RGS8: variants seen among roughly 807,000 people sequenced by gnomAD.
The protein encoded by RGS8 is regulator of G protein signaling 8.
Under a neutral mutation model 21.7 loss-of-function variants are expected in RGS8, and 8 were observed. The ratio of observed to expected loss-of-function variants is 0.37; its 90% CI spans 0.22 to 0.66. The LOEUF is 0.66. RGS8 is among the 30% of genes least tolerant of loss of function. The pLI, the probability that RGS8 is intolerant of heterozygous loss-of-function variation, is 0.59. For synonymous variants in RGS8, 80 were observed against 83.6 expected (o/e 0.96, Z 0.24); for missense variants, 157 against 217.9 (o/e 0.72, Z 1.76).
the RGS8 span, among the ~76,000 whole-genome samples, chr1:182,704,013 A>G: frequency 0.013 from 2,002 of 152,350 alleles, 36 homozygotes; most frequent in African/African-American, 0.043. Flanking sequence ...TTAGAGAGGC[A>G]ATATATAAAG....
At chr1:182,700,961 C>T in the RGS8 span, among the ~76,000 whole-genome samples, 11 of 152,176 alleles carry the variant, frequency 7.2e-5, no homozygotes, top group African/African-American at 2.7e-4. Context: ...TTCTAAGCTT[C>T]CCCATTGTAA....
At chr1:182,739,671 T>C in the RGS8 span, among the ~76,000 whole-genome samples, 19 of 152,164 alleles carry the variant, frequency 1.2e-4, no homozygotes, top group African/African-American at 4.6e-4. Context: ...CCCTGATTTG[T>C]GTATGTAGAC....
chr1:182,664,829 A>G (rs553071033), intron 5 of RGS8, among the ~76,000 whole-genome samples: 1 of 152,334 alleles, frequency 6.6e-6, no homozygotes, highest in Non-Finnish European at 1.5e-5. Flanking sequence ...TTTGCATTTC[A>G]TTCTAAAATC....
chr1:182,703,546 C>T, the RGS8 span, among the ~76,000 whole-genome samples: 27 of 152,296 alleles, frequency 1.8e-4, no homozygotes, highest in African/African-American at 6.0e-4. Context: ...TTATTTTGTC[C>T]TAATCCATGC....
chr1:182,701,187 G>C, the RGS8 span, among the ~76,000 whole-genome samples: 3 of 152,200 alleles, frequency 2.0e-5, no homozygotes, highest in Middle Eastern at 3.2e-3. Context: ...ATGGACAACA[G>C]GCAACCATTG....
chr1:182,693,776 G>T, the RGS8 span, among the ~76,000 whole-genome samples: 1 of 152,182 alleles, frequency 6.6e-6, no homozygotes, highest in African/African-American at 2.4e-5. Flanking sequence ...GTATACCATT[G>T]AATACTACAC....
upstream of RGS8, among the ~76,000 whole-genome samples, chr1:182,687,060 A>G (rs1025580756): frequency 2.6e-5 from 4 of 152,150 alleles, no homozygotes; most frequent in Non-Finnish European, 4.4e-5. Context: ...ACCACCGGGA[A>G]CGTGGCTTAG....
chr1:182,650,243 G>A (rs1662942099), intron 5 of RGS8, among the ~76,000 whole-genome samples: 1 of 152,170 alleles, frequency 6.6e-6, no homozygotes, highest in Non-Finnish European at 1.5e-5. Context: ...AGGATGACCT[G>A]GGCATCTGAC....
chr1:182,736,202 C>T, the RGS8 span, among the ~76,000 whole-genome samples: 1 of 152,170 alleles, frequency 6.6e-6, no homozygotes, highest in African/African-American at 2.4e-5. Context: ...ATGCTTGTAC[C>T]ACCTTAAACC....
chr1:182,697,824 G>A, the RGS8 span, among the ~76,000 whole-genome samples: 3 of 152,198 alleles, frequency 2.0e-5, no homozygotes, highest in East Asian at 1.9e-4. Context: ...AACATAATTC[G>A]TCTTTCAATT....
chr1:182,673,478 T>C (rs1338011584), upstream of RGS8, among the ~76,000 whole-genome samples: 1 of 151,974 alleles, frequency 6.6e-6, no homozygotes, highest in African/African-American at 2.4e-5. Flanking sequence ...CCAGTCTTTC[T>C]GGGCAGATCT....
At chr1:182,745,350 C>T in the RGS8 span, among the ~76,000 whole-genome samples, 1 of 121,974 alleles carries the variant, frequency 8.2e-6, no homozygotes, top group Non-Finnish European at 1.9e-5. Flanking sequence ...CTCATGAGAA[C>T]CAACTGTTTT....
upstream of RGS8, among the ~76,000 whole-genome samples, chr1:182,688,516 A>T (rs1664754520): frequency 6.6e-6 from 1 of 152,216 alleles, no homozygotes; most frequent in African/African-American, 2.4e-5. Flanking sequence ...AATCCTTGGA[A>T]CCTGTGACTA....
chr1:182,646,777 C>T (rs765170166), exon 7 of RGS8: 101 of 1,614,022 alleles, frequency 6.3e-5, no homozygotes, highest in Non-Finnish European at 7.9e-5. Flanking sequence ...GATCTAAGTA[C>T]ATTTTGGACC....
Position 182,666,047 on chromosome 1 carries a change from A to C in RGS8, c.129-14T>G. On this transcript the variant is annotated splice_polypyrimidine_tract_variant and intron_variant, in intron 4 of 6. Coordinates refer to ENST00000483095, the Ensembl canonical transcript of RGS8. ...GTCGATAATCTCCTAGAAAAAAAGA[A>C]ACATCTGTCTTGAATGTTTCTGAAA... is the stretch of plus-strand genomic sequence containing the variant. 1 of 1,611,974 alleles carries C rather than the reference A, an allele frequency of 6.2e-7. No homozygotes were observed.
the RGS8 span, among the ~76,000 whole-genome samples, chr1:182,701,247 C>T: frequency 6.6e-6 from 1 of 152,156 alleles, no homozygotes; most frequent in African/African-American, 2.4e-5. Flanking sequence ...TTTAGGAAAC[C>T]TCATTGGGCA....
At chr1:182,691,408 G>A in the RGS8 span, among the ~76,000 whole-genome samples, 3 of 152,080 alleles carry the variant, frequency 2.0e-5, no homozygotes, top group African/African-American at 4.8e-5. Flanking sequence ...TTACTTGTGA[G>A]AATCTGAATC....
At chr1:182,674,150 C>A (rs772604435), upstream of RGS8, among the ~76,000 whole-genome samples, 1 of 152,100 alleles carries the variant, frequency 6.6e-6, no homozygotes, top group African/African-American at 2.4e-5. Context: ...ACTAAAACAG[C>A]GGAACAAAGG....
At chr1:182,721,604 G>T in the RGS8 span, among the ~76,000 whole-genome samples, 1 of 152,098 alleles carries the variant, frequency 6.6e-6, no homozygotes, top group Non-Finnish European at 1.5e-5. Context: ...TGGAGCCAGG[G>T]ATATTGACTT....
Sources: allele counts gnomAD v4.1 joint callset (sites outside exome capture counted in the v4.1 genomes callset), GRCh38; gene constraint gnomAD v4.1.1; transcripts MANE v1.5; gene names NCBI Gene and HGNC (gene_info 2026-07-23, HGNC 2026-07-21).